Variants in RNGTT observed in about 807,000 individuals in gnomAD.
RNGTT encodes RNA guanylyltransferase and 5'-phosphatase, also known as mRNA-capping enzyme.
In RNGTT, 33 loss-of-function variants were observed where a neutral mutation model predicts 79.3. That is an observed-to-expected ratio of 0.42 (90% CI 0.32 to 0.56). RNGTT has a LOEUF of 0.56. RNGTT is among the 20% of genes least tolerant of loss of function. The pLI is 0.17. For synonymous variants in RNGTT, 222 were observed against 235.9 expected, an observed-to-expected ratio of 0.94 and a Z score of 0.54; for missense variants, 497 against 739.1, an observed-to-expected ratio of 0.67 and a Z score of 3.80.
At chr6:88,918,638 C>T (rs1416142105) in intron 4 of RNGTT, among the ~76,000 whole-genome samples, 1 of 152,056 alleles carries the variant, frequency 6.6e-6, no homozygotes, top group South Asian at 2.1e-4. Context: ...GAACTGAAGA[C>T]ATCACTTAGA....
intron 11 of RNGTT, among the ~76,000 whole-genome samples, chr6:88,812,466 T>C (rs889912457): frequency 3.9e-5 from 6 of 152,240 alleles, no homozygotes; most frequent in Admixed American, 3.9e-4. Flanking sequence ...TATTTCATAA[T>C]TTAGGCATCA....
chr6:88,943,482 T>TAA (rs767669356), intron 1 of RNGTT, among the ~76,000 whole-genome samples: 8 of 152,184 alleles, frequency 5.3e-5, no homozygotes, highest in Admixed American at 2.0e-4. Flanking sequence ...TTCTTTTACT[T>TAA]CATTTAGTTT....
intron 1 of RNGTT, among the ~76,000 whole-genome samples, chr6:88,945,064 T>A (rs545233000): frequency 2.6e-5 from 4 of 152,320 alleles, no homozygotes; most frequent in African/African-American, 9.6e-5. Flanking sequence ...ATGAAGATAG[T>A]CCTACATCTT....
intron 4 of RNGTT, among the ~76,000 whole-genome samples, chr6:88,926,466 G>A (rs1303846560): frequency 1.3e-5 from 2 of 152,102 alleles, no homozygotes; most frequent in East Asian, 1.9e-4. Context: ...AACTTTCATT[G>A]GGATTTTGGT....
At chr6:88,831,496 A>G (rs922255511) in intron 11 of RNGTT, among the ~76,000 whole-genome samples, 2 of 152,262 alleles carry the variant, frequency 1.3e-5, no homozygotes, top group Non-Finnish European at 2.9e-5. Flanking sequence ...CTACACGGGC[A>G]AAAGCTGGAA....
chr6:88,653,314 A>T (rs1242571758), intron 14 of RNGTT, among the ~76,000 whole-genome samples: 1 of 152,226 alleles, frequency 6.6e-6, no homozygotes, highest in Non-Finnish European at 1.5e-5. Context: ...GTTTAACAAG[A>T]ACTCACCTTA....
chr6:88,657,628 C>T (rs1774029439), intron 14 of RNGTT, among the ~76,000 whole-genome samples: 1 of 152,092 alleles, frequency 6.6e-6, no homozygotes, highest in South Asian at 2.1e-4. Flanking sequence ...CCTGAGAGCC[C>T]TGCTTGCTTT....
chr6:88,821,890 A>C (rs940184964), intron 11 of RNGTT, among the ~76,000 whole-genome samples: 4 of 151,966 alleles, frequency 2.6e-5, no homozygotes, highest in Admixed American at 6.5e-5. Flanking sequence ...CTAAAAAAAA[A>C]AAACCAGCAA....
chr6:88,683,171 G>C (rs1775155075), intron 13 of RNGTT, among the ~76,000 whole-genome samples: 1 of 152,028 alleles, frequency 6.6e-6, no homozygotes, highest in African/African-American at 2.4e-5. Context: ...ACACTGGAGA[G>C]TATCAAAAAC....
intron 4 of RNGTT, among the ~76,000 whole-genome samples, chr6:88,914,438 GAC>G (rs1783932101): frequency 6.6e-6 from 1 of 151,896 alleles, no homozygotes; most frequent in African/African-American, 2.4e-5. Flanking sequence ...ACAAAAAAAA[GAC>G]ACACAGACAA....
At chr6:88,872,148 C>G (rs771379287) in intron 8 of RNGTT, among the ~76,000 whole-genome samples, 38 of 152,158 alleles carry the variant, frequency 2.5e-4, no homozygotes, top group Admixed American at 6.5e-4. Context: ...TGCTTCCATA[C>G]ACATATAAAC....
intron 13 of RNGTT, among the ~76,000 whole-genome samples, chr6:88,748,249 AG>A (rs140604494): frequency 0.084 from 12,831 of 152,144 alleles, 818 homozygotes; most frequent in Non-Finnish European, 0.12. Flanking sequence ...TCAGAGTATG[AG>A]CTGAAGCCCT....
At position 88,675,204 on chromosome 6, in the gene RNGTT, A is replaced by G. The variant is rs774853135; in HGVS notation, c.1506+3149T>C. Among the ~76,000 whole-genome samples, 85 of 152,308 alleles carry G rather than the reference A, an allele frequency of 5.6e-4. 1 individual carries two copies. The highest frequency in any genetic ancestry group is 3.4e-3 in the Middle Eastern group (1 of 294). ...CTTTCCTTTTTATAAATTGCCTTGA[A>G]TGCTAATATTTTTTCATTTCTTATA... On this transcript the variant is annotated intron_variant, in intron 14 of 15. Coordinates refer to ENST00000369485, the MANE Select transcript of RNGTT (RefSeq NM_003800.5).
chr6:88,698,180 T>G (rs1187643525), intron 13 of RNGTT, among the ~76,000 whole-genome samples: 3 of 111,730 alleles, frequency 2.7e-5, no homozygotes, highest in African/African-American at 4.1e-5. Context: ...ATATATATGA[T>G]ATATATATGA....
At position 88,611,667 on chromosome 6, in the gene RNGTT, T is replaced by A. The variant is rs989114327; in HGVS notation, c.*1052A>T. ...CTTGATTTCCTTGATATTTAGTTCC[T>A]ACAGATGTCTACACTTTGCCTCTGC... On this transcript the variant is annotated 3_prime_UTR_variant, in exon 16 of 16. Transcript: ENST00000369485. 3 of 152,560 alleles carry A rather than the reference T, an allele frequency of 2.0e-5. No homozygotes were observed. Among genetic ancestry groups the A allele is most frequent in the African/African-American group, 7.2e-5 (3 of 41,474 alleles). 9.5% of individuals were successfully genotyped at this position (152,560 alleles called of 1,614,324 possible). A position where few individuals can be genotyped will look rare whatever the true frequency, so the allele number is the denominator to read the frequency against.
chr6:88,901,513 T>TTTTTTTTTTTTTTTC (rs1783462827), intron 6 of RNGTT, among the ~76,000 whole-genome samples: 3 of 131,524 alleles, frequency 2.3e-5, no homozygotes, highest in Non-Finnish European at 3.3e-5. Flanking sequence ...TTTTTTTTTT[T>TTTTTTTTTTTTTTTC]TTTTTTTTTT....
intron 11 of RNGTT, among the ~76,000 whole-genome samples, chr6:88,818,965 T>G (rs1022608495): frequency 7.2e-5 from 11 of 152,306 alleles, no homozygotes; most frequent in African/African-American, 2.2e-4. Context: ...ATAGGTAAAA[T>G]TATATCCACA....
chr6:88,868,465 A>G (rs570738330), intron 8 of RNGTT, among the ~76,000 whole-genome samples: 5 of 152,308 alleles, frequency 3.3e-5, no homozygotes, highest in African/African-American at 4.8e-5. Flanking sequence ...TTGTGGATTT[A>G]TATCAATTAT....
chr6:88,692,445 A>ATACT lies in RNGTT; in HGVS notation c.1440-14030_1440-14027dup, dbSNP rs1279968134. Among the ~76,000 whole-genome samples, 8 of 152,118 alleles carry ATACT rather than the reference A, an allele frequency of 5.3e-5. No homozygotes were observed. In the East Asian group the frequency reaches 1.5e-3, roughly 29 times the overall value. On this transcript the variant is annotated intron_variant, in intron 13 of 15. Coordinates refer to ENST00000369485, the MANE Select transcript of RNGTT (RefSeq NM_003800.5). ...GGTGATATAGTCATACAACAAAATA[A>ATACT]TACTCAGCAAAAAAAAAAAGGGCTA... is the stretch of plus-strand genomic sequence containing the variant.
Sources: gnomAD v4.1 joint callset for allele counts (sites outside exome capture counted in the v4.1 genomes callset) on GRCh38, gnomAD v4.1.1 for gene constraint, MANE v1.5 for transcripts, NCBI Gene and HGNC (gene_info 2026-07-23, HGNC 2026-07-21) for gene names.